FBXO34: variants seen among roughly 807,000 people sequenced by gnomAD.
FBXO34 encodes F-box only protein 34.
A neutral mutation model predicts 24.5 loss-of-function variants in FBXO34; 12 were observed. The ratio of observed to expected loss-of-function variants is 0.49; its 90% CI spans 0.31 to 0.79. The LOEUF is 0.79. FBXO34 is among the 30% of genes least tolerant of loss of function. The probability of loss-of-function intolerance (pLI) is 0.04; values close to 1 mark genes in which losing one functional copy is unlikely to be tolerated. For synonymous variants in FBXO34, 320 were observed against 311.9 expected (o/e 1.03, Z -0.27); for missense variants, 823 against 857.7 (o/e 0.96, Z 0.51).
the FBXO34 span, among the ~76,000 whole-genome samples, chr14:55,421,063 A>AAG: frequency 6.7e-6 from 1 of 149,648 alleles, no homozygotes; most frequent in East Asian, 1.9e-4. Flanking sequence ...TCTGTCTCAA[A>AAG]AAAAAAAAAA....
intron 1 of FBXO34, among the ~76,000 whole-genome samples, chr14:55,319,684 C>CT (rs1382110235): frequency 1.3e-5 from 2 of 152,082 alleles, no homozygotes; most frequent in Non-Finnish European, 2.9e-5. Flanking sequence ...TTTTCCTGAA[C>CT]TTTCTTTTTT....
intron 1 of FBXO34, among the ~76,000 whole-genome samples, chr14:55,347,824 C>T (rs1253215005): frequency 6.6e-6 from 1 of 152,180 alleles, no homozygotes; most frequent in African/African-American, 2.4e-5. Context: ...ACATATTGTG[C>T]AATGCACAAT....
chr14:55,440,464 C>T, the FBXO34 span: 2 of 1,609,140 alleles, frequency 1.2e-6, no homozygotes, highest in Admixed American at 1.7e-5. Context: ...CGTAATCCCA[C>T]TGTTGGGGGT....
chr14:55,351,514 C>T lies in FBXO34; in HGVS notation c.1124C>T (p.Pro375Leu), dbSNP rs1174686788. 6.2e-7 allele frequency: 1 copy of T among 1,614,170 alleles called. No individual in the cohort carries two copies. Among genetic ancestry groups the T allele is most frequent in the Non-Finnish European group, 8.5e-7 (1 of 1,180,018 alleles). The change falls in exon 2 of 2, where the codon CCA becomes CTA. Residue 375 changes from proline (P) to leucine (L), a missense_variant. Around this residue, in one of 2 missense-constraint regions of FBXO34, gnomAD observed 693 missense variants for 659.1 expected, o/e 1.05. Transcript: ENST00000313833. ...GACGGTGCTTCTCAGGACTGCCCCCCATTGCCAGCAGGAGTGAGTTTCCAC... is the reference window on the plus strand; with the variant it reads ...GACGGTGCTTCTCAGGACTGCCCCCTATTGCCAGCAGGAGTGAGTTTCCAC... ...AWDGASQDCP[P>L]LPAGVSFHID...
chr14:55,414,342 T>C, the FBXO34 span: 10 of 1,499,098 alleles, frequency 6.7e-6, no homozygotes, highest in African/African-American at 1.4e-5. Context: ...TATGGACATA[T>C]TCAAACCAGA....
Position 55,342,356 on chromosome 14 carries a change from C to T in FBXO34, c.-10-8025C>T, listed in dbSNP as rs117002777. 6.5e-3 allele frequency among the ~76,000 whole-genome samples: 993 copies of T among 152,208 alleles called. 5 individuals are homozygous for T. Among genetic ancestry groups the T allele is most frequent in the Non-Finnish European group, 0.011 (725 of 68,006 alleles). ...GACAATAAAGGACTTTTCTGTCGTT[C>T]GCCACTAACCCTAACCACCCAGTCC... On this transcript the variant is annotated intron_variant, in intron 1 of 1. Transcript: ENST00000313833.
At chr14:55,443,004 C>T in the FBXO34 span, among the ~76,000 whole-genome samples, 4 of 152,320 alleles carry the variant, frequency 2.6e-5, no homozygotes, top group East Asian at 7.7e-4. Flanking sequence ...TCTTGGACTT[C>T]CAGCCTCCAG....
At chr14:55,291,347 A>G (rs1305954284) in intron 1 of FBXO34, among the ~76,000 whole-genome samples, 2 of 152,222 alleles carry the variant, frequency 1.3e-5, no homozygotes, top group African/African-American at 4.8e-5. Flanking sequence ...TGATACCTAG[A>G]AAGCATGGAT....
chr14:55,291,648 A>G (rs1427545861), intron 1 of FBXO34, among the ~76,000 whole-genome samples: 2 of 152,040 alleles, frequency 1.3e-5, no homozygotes, highest in East Asian at 3.9e-4. Flanking sequence ...AGCCTGGACA[A>G]CATAGCAAGA....
the FBXO34 span, among the ~76,000 whole-genome samples, chr14:55,379,818 A>G: frequency 6.6e-6 from 1 of 152,312 alleles, no homozygotes; most frequent in South Asian, 2.1e-4. Flanking sequence ...CAGCTCCCGG[A>G]TTCAAGCGAT....
chr14:55,296,483 C>T (rs562668761), intron 1 of FBXO34, among the ~76,000 whole-genome samples: 208 of 146,296 alleles, frequency 1.4e-3, no homozygotes, highest in Non-Finnish European at 2.7e-3. Context: ...GCAACCTCTG[C>T]CTTCAGGTTC....
intron 1 of FBXO34, among the ~76,000 whole-genome samples, chr14:55,288,538 CTGTT>C (rs1881838804): frequency 2.6e-5 from 4 of 152,166 alleles, no homozygotes; most frequent in Admixed American, 2.6e-4. Flanking sequence ...CACGTACGGC[CTGTT>C]TGATACATTT....
the FBXO34 span, among the ~76,000 whole-genome samples, chr14:55,388,227 T>C: frequency 3.9e-5 from 6 of 152,230 alleles, no homozygotes; most frequent in Non-Finnish European, 1.5e-5. Flanking sequence ...TGCTAACTTA[T>C]TTTCATTATC....
intron 1 of FBXO34, chr14:55,282,473 C>T (rs986655309): frequency 5.1e-5 from 12 of 234,150 alleles, no homozygotes; most frequent in African/African-American, 1.4e-4. Flanking sequence ...TTAAATCTCA[C>T]GGCACAAACC....
chr14:55,363,625 A>T (rs1291257177), downstream of FBXO34, among the ~76,000 whole-genome samples: 1 of 152,124 alleles, frequency 6.6e-6, no homozygotes, highest in Non-Finnish European at 1.5e-5. Flanking sequence ...CACCACGCCC[A>T]GCCCACAAGA....
the FBXO34 span, among the ~76,000 whole-genome samples, chr14:55,400,484 T>C: frequency 6.6e-6 from 1 of 152,220 alleles, no homozygotes; most frequent in Non-Finnish European, 1.5e-5. Flanking sequence ...AATTTATTTA[T>C]ATAAACCTCT....
rs58194693 is a variant in FBXO34, at chr14:55,338,048, C to CTTTTTTTTTTTTTTTTTT, written c.-10-12331_-10-12314dup. 8.9e-3 allele frequency among the ~76,000 whole-genome samples: 782 copies of CTTTTTTTTTTTTTTTTTT among 88,202 alleles called. 135 individuals are homozygous for CTTTTTTTTTTTTTTTTTT. Among genetic ancestry groups the CTTTTTTTTTTTTTTTTTT allele is most frequent in the East Asian group, 0.016 (35 of 2,250 alleles). The allele number at this position is 88,202 out of a possible 152,430, so 57.9% of individuals were successfully genotyped here. A position where few individuals can be genotyped will look rare whatever the true frequency, so the allele number is the denominator to read the frequency against. ...CAATTGGAGATAAGAGTATGTACTTCTTTTTTTTTTTTTTTTTTTGAGATG... is the reference window on the plus strand; with the variant it reads ...CAATTGGAGATAAGAGTATGTACTTCTTTTTTTTTTTTTTTTTTTTTTTTTTTTTTTTTTTTTGAGATG... On this transcript the variant is annotated intron_variant, in intron 1 of 1. Transcript: ENST00000313833.
the FBXO34 span, among the ~76,000 whole-genome samples, chr14:55,376,779 A>T: frequency 1.3e-5 from 2 of 152,170 alleles, no homozygotes; most frequent in African/African-American, 4.8e-5. Flanking sequence ...ATATATAACC[A>T]TATCACATCT....
chr14:55,313,722 C>A (rs1173185860), intron 1 of FBXO34, among the ~76,000 whole-genome samples: 2 of 152,174 alleles, frequency 1.3e-5, no homozygotes, highest in Non-Finnish European at 2.9e-5. Context: ...CAAACACTTA[C>A]AAAACCATCA....
Sources: allele counts gnomAD v4.1 joint callset (sites outside exome capture counted in the v4.1 genomes callset), GRCh38; gene constraint gnomAD v4.1.1; regional missense constraint gnomAD v4.1.1; transcripts MANE v1.5; gene names NCBI Gene and HGNC (gene_info 2026-07-23, HGNC 2026-07-21).